Variants in DNM3 observed in about 807,000 individuals in gnomAD.
DNM3 encodes dynamin-3.
In DNM3, 47 loss-of-function variants were observed where a neutral mutation model predicts 101.6. The observed-to-expected ratio is 0.46, with a 90% CI of 0.37 to 0.59. The LOEUF (loss-of-function observed/expected upper bound fraction) is 0.59, where lower values mean the gene tolerates loss of function less well. Among genes scored for constraint, DNM3 ranks in the 20% least tolerant of loss-of-function variants. The probability of loss-of-function intolerance (pLI) is 0.00; values close to 1 mark genes in which losing one functional copy is unlikely to be tolerated. For synonymous variants in DNM3, 385 were observed against 387.9 expected, an observed-to-expected ratio of 0.99 and a Z score of 0.09; for missense variants, 849 against 1,085.7, an observed-to-expected ratio of 0.78 and a Z score of 3.06.
chr1:171,987,552 G>A (rs1017458195), intron 2 of DNM3, 104 bp from the exon 3 acceptor site: 1 of 1,200,632 alleles, frequency 8.3e-7, no homozygotes, highest in Admixed American at 2.6e-5. Context: ...CATGAAGGAA[G>A]AAGAGAGAAT....
intron 2 of DNM3, among the ~76,000 whole-genome samples, chr1:171,925,925 G>T (rs946375824): frequency 1.3e-5 from 2 of 152,146 alleles, no homozygotes; most frequent in Admixed American, 6.6e-5. Context: ...TCTGCATATG[G>T]TTAGGCAGTT....
At chr1:172,251,327 C>G (rs2062160853) in intron 14 of DNM3, among the ~76,000 whole-genome samples, 1 of 148,464 alleles carries the variant, frequency 6.7e-6, no homozygotes, top group South Asian at 2.2e-4. Context: ...CATTCTTTCC[C>G]CAAAGCACCA....
intron 15 of DNM3, among the ~76,000 whole-genome samples, chr1:172,301,210 C>T (rs1237046403): frequency 1.3e-5 from 2 of 152,224 alleles, no homozygotes; most frequent in East Asian, 3.9e-4. Flanking sequence ...TAAGAATGAT[C>T]ATAACTTTAG....
intron 15 of DNM3, among the ~76,000 whole-genome samples, chr1:172,274,279 A>G (rs2063194119): frequency 1.3e-5 from 2 of 152,068 alleles, no homozygotes; most frequent in South Asian, 4.1e-4. Context: ...TGCAGGGCAG[A>G]TGGTGTCAGG....
At chr1:171,928,527 T>A (rs2040757502) in intron 2 of DNM3, among the ~76,000 whole-genome samples, 1 of 152,178 alleles carries the variant, frequency 6.6e-6, no homozygotes, top group Non-Finnish European at 1.5e-5. Context: ...GGGTTCCCTG[T>A]CTGGTGATGA....
At chr1:172,311,312 ATGTGTGTGTGTGTGTGTG>A (rs59722548) in intron 16 of DNM3, 1 of 146,956 alleles carries the variant, frequency 6.8e-6, no homozygotes, top group Non-Finnish European at 1.5e-5. Context: ...TTATTTATCA[ATGTGTGTGTGTGTGTGTG>A]TGTGTGTGTG....
intron 17 of DNM3, among the ~76,000 whole-genome samples, chr1:172,354,493 C>G (rs2067353610): frequency 6.6e-6 from 1 of 152,156 alleles, no homozygotes; most frequent in African/African-American, 2.4e-5. Context: ...GGACTTTCCC[C>G]CTTATCTTCC....
At chr1:172,190,347 CT>C (rs1302955363) in intron 14 of DNM3, among the ~76,000 whole-genome samples, 1 of 152,020 alleles carries the variant, frequency 6.6e-6, no homozygotes, top group South Asian at 2.1e-4. Context: ...TGAACTCATC[CT>C]TTTTTATGGC....
At chr1:172,333,105 G>C (rs910395131) in intron 17 of DNM3, among the ~76,000 whole-genome samples, 1 of 152,124 alleles carries the variant, frequency 6.6e-6, no homozygotes, top group African/African-American at 2.4e-5. Context: ...TGTATGTGTG[G>C]TGTGTACAAG....
intron 15 of DNM3, among the ~76,000 whole-genome samples, chr1:172,276,187 G>GGACA (rs2063279215): frequency 6.6e-6 from 1 of 151,936 alleles, no homozygotes; most frequent in Admixed American, 6.6e-5. Context: ...GAGTAAAAGG[G>GGACA]GACAGTATTA....
At chr1:172,393,132 C>T (rs2069671557) in intron 20 of DNM3, 2 of 152,156 alleles carry the variant, frequency 1.3e-5, no homozygotes, top group Non-Finnish European at 2.9e-5. Flanking sequence ...TATTACAAAT[C>T]GACCATGCCA....
At chr1:172,197,856 T>A (rs755504584) in intron 14 of DNM3, among the ~76,000 whole-genome samples, 1 of 151,478 alleles carries the variant, frequency 6.6e-6, no homozygotes, top group Non-Finnish European at 1.5e-5. Context: ...TGTCTGCCAA[T>A]AGAGACAGTT....
rs143549016 is a variant in DNM3 at position 172,351,635 on chromosome 1, G to C, written c.1894-27383G>C. Among the ~76,000 whole-genome samples, 489 of 152,286 alleles carry C rather than the reference G, an allele frequency of 3.2e-3. 2 individuals are homozygous for C. The highest frequency in any genetic ancestry group is 0.011 in the African/African-American group (464 of 41,564). ...GGAAAATAAGTTTGGATGTTTTCAA[G>C]TTAGTGCTAGAGGAGAAACACATTC... On this transcript the variant is annotated intron_variant, in intron 17 of 20. Transcript: ENST00000627582.
chr1:171,910,965 A>G (rs1558251734), intron 1 of DNM3, among the ~76,000 whole-genome samples: 1 of 152,222 alleles, frequency 6.6e-6, no homozygotes, highest in Non-Finnish European at 1.5e-5. Context: ...AGAAAGAGGC[A>G]TTAGACAAAG....
intron 17 of DNM3, among the ~76,000 whole-genome samples, chr1:172,352,269 A>C (rs923539420): frequency 6.6e-6 from 1 of 152,228 alleles, no homozygotes; most frequent in African/African-American, 2.4e-5. Context: ...TGTATCTTAA[A>C]ATTGCCATTC....
chr1:172,133,547 G>C lies in DNM3; in HGVS notation c.1659+2259G>C, dbSNP rs139639585. ...AGGAAAGGGTAGTTTCATCCATTTA[G>C]ATCATTTTAAAAAAGAGGAAATGAC... On this transcript the variant is annotated intron_variant, in intron 14 of 20. Coordinates refer to ENST00000627582, the MANE Select transcript of DNM3 (RefSeq NM_015569.5). Among the ~76,000 whole-genome samples, 1,135 of 152,184 alleles carry C rather than the reference G, an allele frequency of 7.5e-3. 17 individuals are homozygous for C. The highest frequency in any genetic ancestry group is 0.025 in the African/African-American group (1,056 of 41,540).
chr1:172,265,434 C>G (rs753571684), intron 15 of DNM3, among the ~76,000 whole-genome samples: 1 of 152,246 alleles, frequency 6.6e-6, no homozygotes, highest in South Asian at 2.1e-4. Flanking sequence ...CTGGTTTAGC[C>G]TACATAAACT....
chr1:172,214,444 TAAAA>T (rs201122900), intron 14 of DNM3, among the ~76,000 whole-genome samples: 11 of 149,084 alleles, frequency 7.4e-5, no homozygotes, highest in Non-Finnish European at 1.0e-4. Context: ...TAAAGTATAA[TAAAA>T]AAAAAGAAAA....
intron 10 of DNM3, among the ~76,000 whole-genome samples, chr1:172,054,020 T>C (rs865816329): frequency 1.2e-4 from 19 of 152,216 alleles, no homozygotes; most frequent in African/African-American, 4.6e-4. Context: ...GTAATAGGAG[T>C]AAACAAAGAC....
Sources: gnomAD v4.1 joint callset for allele counts (sites outside exome capture counted in the v4.1 genomes callset) on GRCh38, gnomAD v4.1.1 for gene constraint, MANE v1.5 for transcripts, NCBI Gene and HGNC (gene_info 2026-07-23, HGNC 2026-07-21) for gene names.